AKAP13: variants seen among roughly 807,000 people sequenced by gnomAD.
AKAP13 encodes A-kinase anchoring protein 13.
In AKAP13, 80 loss-of-function variants were observed where a neutral mutation model predicts 264.5. That is an observed-to-expected ratio of 0.30 (90% CI 0.25 to 0.36). AKAP13 has a LOEUF of 0.36. AKAP13 is among the 10% of genes least tolerant of loss of function. AKAP13 has a pLI of 1.00. For missense variants in AKAP13, 3,712 were observed against 3,435.2 expected, an observed-to-expected ratio of 1.08 and a Z score of -2.01; for synonymous variants, 1,380 against 1,250.2, an observed-to-expected ratio of 1.10 and a Z score of -2.19.
At chr15:85,645,758 T>C in intron 9 of AKAP13, 60 bp from the exon 10 acceptor site, 1 of 1,507,902 alleles carries the variant, frequency 6.6e-7, no homozygotes, top group Non-Finnish European at 8.8e-7. Context: ...TGGTTCTTTT[T>C]GTTTTTTGGT....
chr15:85,526,020 G>A (rs1363235383), intron 3 of AKAP13, among the ~76,000 whole-genome samples: 1 of 152,090 alleles, frequency 6.6e-6, no homozygotes, highest in African/African-American at 2.4e-5. Flanking sequence ...CACAGCAAGA[G>A]TTCTTGTTTG....
At chr15:85,654,634 C>T (rs529920641) in intron 10 of AKAP13, among the ~76,000 whole-genome samples, 1 of 152,164 alleles carries the variant, frequency 6.6e-6, no homozygotes, top group Admixed American at 6.5e-5. Flanking sequence ...TCCTGGGCAA[C>T]ATGGTGAAAC....
intron 14 of AKAP13, among the ~76,000 whole-genome samples, chr15:85,670,244 A>T (rs1042244061): frequency 2.0e-4 from 31 of 151,952 alleles, no homozygotes; most frequent in Non-Finnish European, 3.7e-4. Flanking sequence ...CCCTCTCTTT[A>T]TCACTCCCCT....
intron 8 of AKAP13, among the ~76,000 whole-genome samples, chr15:85,591,598 T>C (rs2079581442): frequency 6.6e-6 from 1 of 151,984 alleles, no homozygotes; most frequent in Non-Finnish European, 1.5e-5. Context: ...AGCCAGATGC[T>C]GGAGGCAAGC....
chr15:85,739,487 A>G (rs533321652), intron 33 of AKAP13, among the ~76,000 whole-genome samples: 5 of 152,066 alleles, frequency 3.3e-5, no homozygotes, highest in African/African-American at 4.8e-5. Context: ...ATAATGTTCT[A>G]TGAGAGCCTT....
At chr15:85,519,421 T>C (rs1460529058) in intron 2 of AKAP13, among the ~76,000 whole-genome samples, 2 of 152,222 alleles carry the variant, frequency 1.3e-5, no homozygotes, top group Non-Finnish European at 2.9e-5. Context: ...TCATAGTTTG[T>C]CAACCTGTGC....
At chr15:85,473,092 G>T (rs1403861222) in intron 1 of AKAP13, among the ~76,000 whole-genome samples, 1 of 152,182 alleles carries the variant, frequency 6.6e-6, no homozygotes, top group Admixed American at 6.5e-5. Context: ...TAATAATTTG[G>T]TCATAATAAG....
At chr15:85,414,277 C>T (rs1366464032) in intron 1 of AKAP13, among the ~76,000 whole-genome samples, 1 of 152,000 alleles carries the variant, frequency 6.6e-6, no homozygotes, top group East Asian at 1.9e-4. Flanking sequence ...CTATTCATTT[C>T]TAATACATGT....
At chr15:85,401,607 G>A (rs1243562973) in intron 1 of AKAP13, among the ~76,000 whole-genome samples, 3 of 152,150 alleles carry the variant, frequency 2.0e-5, no homozygotes, top group African/African-American at 7.2e-5. Flanking sequence ...TTTTGTCTCA[G>A]TATTCTCTTA....
At chr15:85,394,836 A>G (rs1244336563) in intron 1 of AKAP13, among the ~76,000 whole-genome samples, 1 of 152,202 alleles carries the variant, frequency 6.6e-6, no homozygotes, top group African/African-American at 2.4e-5. Flanking sequence ...GGCCAGAGAA[A>G]GATATAAAAC....
At chr15:85,668,466 T>C (rs563849690) in intron 13 of AKAP13, among the ~76,000 whole-genome samples, 6 of 152,360 alleles carry the variant, frequency 3.9e-5, no homozygotes, top group South Asian at 2.1e-4. Flanking sequence ...GATTACATGG[T>C]CTCAAAGCTG....
At chr15:85,655,809 T>G in intron 11 of AKAP13, 22 bp downstream of exon 11, 1 of 1,589,648 alleles carries the variant, frequency 6.3e-7, no homozygotes, top group East Asian at 2.2e-5. Flanking sequence ...GGCGGTTTGT[T>G]TAGTGTCTCA....
At chr15:85,742,121 A>G (rs1490353463) in intron 35 of AKAP13, among the ~76,000 whole-genome samples, 2 of 152,224 alleles carry the variant, frequency 1.3e-5, no homozygotes, top group East Asian at 3.8e-4. Flanking sequence ...TGCTTTTTGC[A>G]TCTCTAAGAG....
At chr15:85,633,913 T>G (rs144440789) in intron 8 of AKAP13, among the ~76,000 whole-genome samples, 162 of 152,274 alleles carry the variant, frequency 1.1e-3, no homozygotes, top group Admixed American at 8.8e-3. Flanking sequence ...TTGGTAAAGT[T>G]ACAAAATTTG....
At chr15:85,634,578 T>C (rs1164666509) in intron 8 of AKAP13, among the ~76,000 whole-genome samples, 1 of 152,226 alleles carries the variant, frequency 6.6e-6, no homozygotes, top group African/African-American at 2.4e-5. Context: ...TTCAGCTTTA[T>C]TCTGGTATAA....
At chr15:85,576,011 C>T (rs1441140841) in intron 6 of AKAP13, among the ~76,000 whole-genome samples, 16 of 152,102 alleles carry the variant, frequency 1.1e-4, no homozygotes, top group Non-Finnish European at 8.8e-5. Flanking sequence ...AGGACTTTCC[C>T]CAAAGATTCT....
chr15:85,678,369 C>G (rs2084371725), intron 14 of AKAP13, among the ~76,000 whole-genome samples: 1 of 152,142 alleles, frequency 6.6e-6, no homozygotes, highest in Non-Finnish European at 1.5e-5. Context: ...AAGGGAAGTG[C>G]CTTATGCACA....
intron 1 of AKAP13, chr15:85,389,871 G>C (rs974555328): frequency 1.3e-5 from 2 of 152,230 alleles, no homozygotes; most frequent in African/African-American, 4.8e-5. Context: ...GATTCTAAAA[G>C]ATCTGTAACA....
chr15:85,383,000 C>T (rs1297862672), intron 1 of AKAP13, among the ~76,000 whole-genome samples: 4 of 152,072 alleles, frequency 2.6e-5, no homozygotes, highest in African/African-American at 4.8e-5. Flanking sequence ...GTTTAACTAG[C>T]GCTCTAAGGA....
Sources: gnomAD v4.1 joint callset for allele counts (sites outside exome capture counted in the v4.1 genomes callset) on GRCh38, gnomAD v4.1.1 for gene constraint, MANE v1.5 for transcripts, NCBI Gene and HGNC (gene_info 2026-07-23, HGNC 2026-07-21) for gene names.